CWC27: variants seen among roughly 807,000 people sequenced by gnomAD.
CWC27 encodes the protein CWC27 spliceosome associated cyclophilin, also known as spliceosome-associated protein CWC27 homolog.
A neutral mutation model predicts 63.6 loss-of-function variants in CWC27; 47 were observed. The observed-to-expected ratio is 0.74, with a 90% CI of 0.58 to 0.94. The LOEUF (loss-of-function observed/expected upper bound fraction) is 0.94. Ranked by LOEUF, CWC27 falls within the 40% of genes least tolerant of loss-of-function variation. The pLI is 0.00. For synonymous variants in CWC27, 175 were observed against 179.8 expected (o/e 0.97, Z 0.22); for missense variants, 495 against 554.3 (o/e 0.89, Z 1.07).
chr5:64,960,325 T>C (rs1490753777), intron 11 of CWC27, among the ~76,000 whole-genome samples: 4 of 152,148 alleles, frequency 2.6e-5, no homozygotes, highest in African/African-American at 9.7e-5. Flanking sequence ...ATGTGATAAA[T>C]TATTTAACCT....
At chr5:64,814,560 A>G (rs1179116620) in intron 10 of CWC27, among the ~76,000 whole-genome samples, 1 of 152,190 alleles carries the variant, frequency 6.6e-6, no homozygotes, top group Non-Finnish European at 1.5e-5. Flanking sequence ...TCTTTTACAA[A>G]TGTAAAAACT....
At chr5:64,940,443 C>G (rs762314375) in intron 11 of CWC27, among the ~76,000 whole-genome samples, 1 of 152,170 alleles carries the variant, frequency 6.6e-6, no homozygotes, top group Non-Finnish European at 1.5e-5. Flanking sequence ...TGGGCTGCAC[C>G]CACTGTCTAA....
chr5:64,936,707 C>T (rs774665528), intron 11 of CWC27, among the ~76,000 whole-genome samples: 4 of 152,082 alleles, frequency 2.6e-5, no homozygotes, highest in Non-Finnish European at 4.4e-5. Context: ...TGGTAGAATT[C>T]GGCTGTGAAT....
intron 11 of CWC27, among the ~76,000 whole-genome samples, chr5:64,889,579 A>G (rs1458101166): frequency 6.6e-6 from 1 of 152,224 alleles, no homozygotes; most frequent in Non-Finnish European, 1.5e-5. Context: ...TTACTAATAT[A>G]ATTCTCTTTC....
Position 64,785,533 on chromosome 5 carries a change from A to G in CWC27, c.449A>G (p.Asp150Gly), listed in dbSNP as rs764172645. ...TTGCGACTGTCAGAAGTAGACATTG[A>G]TGATGACGAAAGACCACATAATCCA... ...NMLRLSEVDI[D>G]DDERPHNPHK... Residue 150 changes from aspartate to glycine, a missense_variant, in exon 5 of 14, where the codon GAT (aspartate) becomes GGT (glycine). Coordinates refer to ENST00000381070, the MANE Select transcript of CWC27 (RefSeq NM_005869.4). 5 of 1,580,058 alleles carry G rather than the reference A, an allele frequency of 3.2e-6. No individual in the cohort carries two copies. In the Admixed American group the frequency reaches 7.7e-5, roughly 24 times the overall value.
chr5:64,852,558 A>C (rs1486014629), intron 10 of CWC27, among the ~76,000 whole-genome samples: 1 of 150,720 alleles, frequency 6.6e-6, no homozygotes, highest in Non-Finnish European at 1.5e-5. Context: ...TGCAACCTCC[A>C]CCTCCCAAGT....
chr5:64,819,319 T>C (rs1580638512), intron 10 of CWC27, among the ~76,000 whole-genome samples: 1 of 152,128 alleles, frequency 6.6e-6, no homozygotes, highest in Non-Finnish European at 1.5e-5. Flanking sequence ...CCCTCTGACA[T>C]GTATTTACCT....
intron 13 of CWC27, among the ~76,000 whole-genome samples, chr5:64,995,874 G>A (rs918959876): frequency 6.6e-6 from 1 of 152,046 alleles, no homozygotes; most frequent in Non-Finnish European, 1.5e-5. Flanking sequence ...TACCACACCT[G>A]GAAAAAGCTT....
intron 13 of CWC27, among the ~76,000 whole-genome samples, chr5:64,979,859 C>A (rs1022280344): frequency 6.7e-6 from 1 of 148,602 alleles, no homozygotes; most frequent in African/African-American, 2.5e-5. Flanking sequence ...GTTATGTTTT[C>A]TTTTACTTGG....
intron 10 of CWC27, among the ~76,000 whole-genome samples, chr5:64,880,696 G>A (rs1746912654): frequency 6.6e-6 from 1 of 151,410 alleles, no homozygotes; most frequent in South Asian, 2.1e-4. Flanking sequence ...CCATTAGGGA[G>A]TAACTTATTG....
chr5:64,803,068 A>C (rs1378805164), intron 9 of CWC27, among the ~76,000 whole-genome samples: 2 of 152,124 alleles, frequency 1.3e-5, no homozygotes, highest in Non-Finnish European at 2.9e-5. Flanking sequence ...TGTTGAAAAC[A>C]TTCGTAATTC....
intron 10 of CWC27, among the ~76,000 whole-genome samples, chr5:64,844,508 C>T (rs1047601710): frequency 1.3e-5 from 2 of 152,200 alleles, no homozygotes; most frequent in African/African-American, 4.8e-5. Context: ...CAGGGGGATG[C>T]CCACTTCCTC....
At chr5:64,897,497 A>C (rs1350977359) in intron 11 of CWC27, among the ~76,000 whole-genome samples, 2 of 152,156 alleles carry the variant, frequency 1.3e-5, no homozygotes, top group Non-Finnish European at 2.9e-5. Flanking sequence ...AGAAAACCAA[A>C]CACCGCATGT....
At chr5:64,846,623 C>A (rs372923141) in intron 10 of CWC27, among the ~76,000 whole-genome samples, 2 of 152,006 alleles carry the variant, frequency 1.3e-5, no homozygotes, top group South Asian at 2.1e-4. Flanking sequence ...CTATAGAAAA[C>A]CATCAAATCA....
At chr5:64,853,343 T>A (rs1323668712) in intron 10 of CWC27, among the ~76,000 whole-genome samples, 7 of 152,216 alleles carry the variant, frequency 4.6e-5, no homozygotes, top group Non-Finnish European at 1.0e-4. Flanking sequence ...TTTCAACAGA[T>A]GACCAAGAAT....
intron 7 of CWC27, among the ~76,000 whole-genome samples, chr5:64,799,477 T>C (rs1288861887): frequency 1.6e-5 from 2 of 129,006 alleles, no homozygotes; most frequent in African/African-American, 6.4e-5. Flanking sequence ...TCCCAGCTAC[T>C]TGGGAGGCTG....
At chr5:64,934,226 A>G (rs1218293501) in intron 11 of CWC27, among the ~76,000 whole-genome samples, 2 of 152,104 alleles carry the variant, frequency 1.3e-5, no homozygotes. Flanking sequence ...TACATTAGGC[A>G]TTTCTCCTAA....
At chr5:65,003,200 T>C (rs567352633) in intron 13 of CWC27, among the ~76,000 whole-genome samples, 1 of 152,356 alleles carries the variant, frequency 6.6e-6, no homozygotes, top group South Asian at 2.1e-4. Context: ...GAGTTCGTTA[T>C]AGGCAGCATA....
chr5:64,981,518 G>A (rs1749331171), intron 13 of CWC27, among the ~76,000 whole-genome samples: 2 of 152,026 alleles, frequency 1.3e-5, no homozygotes, highest in African/African-American at 4.8e-5. Context: ...TAACATCCTT[G>A]TTTCTATGTC....
Sources: allele counts gnomAD v4.1 joint callset (sites outside exome capture counted in the v4.1 genomes callset), GRCh38; gene constraint gnomAD v4.1.1; transcripts MANE v1.5; gene names NCBI Gene and HGNC (gene_info 2026-07-23, HGNC 2026-07-21).